The following IL4R variants were observed in gnomAD, a reference collection of about 807,000 sequenced individuals.
The protein encoded by IL4R is interleukin-4 receptor subunit alpha.
In IL4R, 17 loss-of-function variants were observed where a neutral mutation model predicts 41.5. The observed-to-expected ratio is 0.41, with a 90% CI of 0.28 to 0.61. IL4R has a LOEUF of 0.61. Ranked by LOEUF, IL4R falls within the 20% of genes least tolerant of loss-of-function variation. The pLI, the probability that IL4R is intolerant of heterozygous loss-of-function variation, is 0.31. For synonymous variants in IL4R, 402 were observed against 422.9 expected (o/e 0.95, Z 0.61); for missense variants, 974 against 1,043.1 (o/e 0.93, Z 0.91).
chr16:27,348,095 G>T (rs1279210908), intron 6 of IL4R, among the ~76,000 whole-genome samples: 1 of 152,242 alleles, frequency 6.6e-6, no homozygotes, highest in East Asian at 1.9e-4. Flanking sequence ...GCCACCTTAA[G>T]CTCCCATGCT....
At chr16:27,338,727 G>T (rs890890601) in intron 2 of IL4R, among the ~76,000 whole-genome samples, 1 of 152,042 alleles carries the variant, frequency 6.6e-6, no homozygotes, top group African/African-American at 2.4e-5. Context: ...TGCCCCTTCT[G>T]TCATATGAAG....
chr16:27,330,208 A>T lies in IL4R; in HGVS notation c.-19+10A>T, dbSNP rs1481939753. 6.6e-6 allele frequency: 1 copy of T among 151,730 alleles called. No homozygotes were observed. Among genetic ancestry groups the T allele is most frequent in the Non-Finnish European group, 1.5e-5 (1 of 67,904 alleles). 9.4% of individuals were successfully genotyped at this position (151,730 alleles called of 1,614,324 possible). A position where few individuals can be genotyped will look rare whatever the true frequency, so the allele number is the denominator to read the frequency against. On this transcript the variant is annotated intron_variant, in intron 2 of 10. Coordinates refer to ENST00000395762, the MANE Select transcript of IL4R (RefSeq NM_000418.4). Reference sequence around the variant, plus strand: ...GTTCGAGACCAGCCTGGTCAGTATGATGAAACCCCATCTCTACTAAAAATA... The same window carrying T: ...GTTCGAGACCAGCCTGGTCAGTATGTTGAAACCCCATCTCTACTAAAAATA...
At chr16:27,346,939 A>G (rs1034847569) in intron 6 of IL4R, among the ~76,000 whole-genome samples, 5 of 152,226 alleles carry the variant, frequency 3.3e-5, no homozygotes, top group African/African-American at 9.6e-5. Flanking sequence ...TTGACAGCTC[A>G]CTTGAATAAC....
chr16:27,363,516 G>A lies in IL4R; in HGVS notation c.2164G>A (p.Gly722Ser), dbSNP rs918015542. The A allele has an allele frequency of 1.4e-5, 23 of 1,614,096 alleles. No individual in the cohort carries two copies. The highest frequency in any genetic ancestry group is 1.6e-4 in the Middle Eastern group (1 of 6,062). Reference protein sequence around the residue: ...VYSALTCHLCGHLKQCHGQED... With the variant: ...VYSALTCHLCSHLKQCHGQED... ...CTCAGCCCTTACCTGCCACCTGTGC[G>A]GCCACCTGAAACAGTGTCATGGCCA... The change falls in exon 11 of 11, where the codon GGC becomes AGC. Residue 722 changes from glycine to serine, a missense_variant. Around this residue, in one of 3 missense-constraint regions of IL4R, gnomAD observed 682 missense variants for 704.3 expected, o/e 0.97. Transcript: ENST00000395762.
At chr16:27,346,768 T>C in intron 6 of IL4R, 150 bp downstream of exon 6, 1 of 820,298 alleles carries the variant, frequency 1.2e-6, no homozygotes, top group Non-Finnish European at 2.0e-6. Flanking sequence ...GCTTCTCACC[T>C]GGCTCTGCAC....
At chr16:27,361,647 G>T in intron 10 of IL4R, among the ~76,000 whole-genome samples, 1 of 137,520 alleles carries the variant, frequency 7.3e-6, no homozygotes, top group East Asian at 2.1e-4. Flanking sequence ...GCAGGGTCTT[G>T]CTGTGTCCCT....
At chr16:27,356,251 C>T (rs1281183717) in intron 8 of IL4R, among the ~76,000 whole-genome samples, 1 of 151,870 alleles carries the variant, frequency 6.6e-6, no homozygotes, top group Non-Finnish European at 1.5e-5. Context: ...GCCACTATGC[C>T]CGGCTAATTT....
At chr16:27,346,650 A>G in intron 6 of IL4R, 32 bp downstream of exon 6, 1 of 1,611,428 alleles carries the variant, frequency 6.2e-7, no homozygotes, top group Non-Finnish European at 8.5e-7. Context: ...TTTTTCTGTG[A>G]CCTCTGGGGA....
chr16:27,342,968 T>A (rs80162602), intron 4 of IL4R, among the ~76,000 whole-genome samples: 5,817 of 152,274 alleles, frequency 0.038, 338 homozygotes, highest in African/African-American at 0.13. Context: ...TTTTACCTGG[T>A]GGGCCCAGAC....
chr16:27,344,621 C>T (rs759168379), intron 4 of IL4R, among the ~76,000 whole-genome samples: 10 of 152,220 alleles, frequency 6.6e-5, no homozygotes, highest in South Asian at 4.1e-4. Flanking sequence ...GGACCAGGGC[C>T]GGCAGCTAGG....
intron 7 of IL4R, among the ~76,000 whole-genome samples, chr16:27,354,425 T>A (rs2085984601): frequency 6.6e-6 from 1 of 152,238 alleles, no homozygotes; most frequent in African/African-American, 2.4e-5. Context: ...TGCATCTCTT[T>A]TTTAATCAGG....
intron 1 of IL4R, among the ~76,000 whole-genome samples, chr16:27,328,358 C>G (rs982142749): frequency 1.3e-5 from 2 of 151,776 alleles, no homozygotes; most frequent in African/African-American, 2.4e-5. Flanking sequence ...ATTCTCCTGC[C>G]TCAGCCTCTC....
chr16:27,332,489 A>G (rs1230023808), intron 2 of IL4R, among the ~76,000 whole-genome samples: 1 of 152,086 alleles, frequency 6.6e-6, no homozygotes. Context: ...TTCATATTAC[A>G]ATTCAAGGTG....
intron 2 of IL4R, among the ~76,000 whole-genome samples, chr16:27,333,199 C>CTTT (rs60009498): frequency 1.4e-5 from 2 of 142,962 alleles, no homozygotes; most frequent in African/African-American, 2.5e-5. Context: ...TCGGGTGACT[C>CTTT]TTTTTTTTTT....
At chr16:27,357,734 G>A (rs911003543) in intron 8 of IL4R, among the ~76,000 whole-genome samples, 1 of 152,044 alleles carries the variant, frequency 6.6e-6, no homozygotes, top group Non-Finnish European at 1.5e-5. Context: ...AAGGTGCTGG[G>A]TACAGGCATG....
upstream of IL4R, chr16:27,313,806 C>T (rs1457006947): frequency 1.6e-6 from 1 of 610,306 alleles, no homozygotes; most frequent in African/African-American, 2.0e-5. Context: ...GGGACAGCGA[C>T]AGGGGCGCGA....
At chr16:27,323,967 CT>C (rs201322023) in intron 1 of IL4R, among the ~76,000 whole-genome samples, 10 of 151,938 alleles carry the variant, frequency 6.6e-5, no homozygotes, top group Non-Finnish European at 1.3e-4. Flanking sequence ...CCTTCAAGTG[CT>C]TTTTTTTGTT....
At chr16:27,327,841 A>G (rs1350471686) in intron 1 of IL4R, among the ~76,000 whole-genome samples, 1 of 152,096 alleles carries the variant, frequency 6.6e-6, no homozygotes, top group African/African-American at 2.4e-5. Flanking sequence ...AGTACTTAGA[A>G]CAGGGCCAGG....
At chr16:27,349,559 A>T (rs2085789901) in intron 6 of IL4R, among the ~76,000 whole-genome samples, 1 of 152,206 alleles carries the variant, frequency 6.6e-6, no homozygotes, top group Non-Finnish European at 1.5e-5. Flanking sequence ...GTGAAAATTC[A>T]TGGAATGTTT....
Sources: gnomAD v4.1 joint callset for allele counts (sites outside exome capture counted in the v4.1 genomes callset) on GRCh38, gnomAD v4.1.1 for gene constraint, gnomAD v4.1.1 regional missense constraint, MANE v1.5 for transcripts, NCBI Gene and HGNC (gene_info 2026-07-23, HGNC 2026-07-21) for gene names.